The following TUT4 variants were observed in gnomAD, a reference collection of about 807,000 sequenced individuals.
The protein encoded by TUT4 is terminal uridylyltransferase 4.
In TUT4, 36 loss-of-function variants were observed where a neutral mutation model predicts 192.2. The observed-to-expected ratio is 0.19, with a 90% CI of 0.14 to 0.25. TUT4 has a LOEUF of 0.25. Among genes scored for constraint, TUT4 ranks in the 10% least tolerant of loss-of-function variants. TUT4 has a pLI of 1.00. For synonymous variants in TUT4, 618 were observed against 666.0 expected (o/e 0.93, Z 1.11); for missense variants, 1,493 against 1,957.2 (o/e 0.76, Z 4.47).
chr1:52,462,741 C>G, intron 16 of TUT4: 1 of 984,786 alleles, frequency 1.0e-6, no homozygotes, highest in Non-Finnish European at 1.2e-6. Context: ...TCACCAGCAC[C>G]TATTTCTCCA....
At chr1:52,501,963 G>A (rs1169451906) in intron 4 of TUT4, among the ~76,000 whole-genome samples, 3 of 152,100 alleles carry the variant, frequency 2.0e-5, no homozygotes, top group African/African-American at 7.2e-5. Context: ...GGAATGGGGA[G>A]TTATTGCTTA....
chr1:52,541,446 C>T (rs1225164545), intron 1 of TUT4, among the ~76,000 whole-genome samples: 4 of 151,558 alleles, frequency 2.6e-5, no homozygotes, highest in Admixed American at 6.6e-5. Context: ...GCAGGAGAAT[C>T]GCTTGAACCC....
In TUT4 at chr1:52,493,841, A is replaced by G. The variant is rs546594225; in HGVS notation, c.1267-179T>C. Among the ~76,000 whole-genome samples the G allele has an allele frequency of 3.3e-5, 5 of 150,692 alleles. No individual in the cohort carries two copies. In the South Asian group the frequency reaches 1.1e-3, roughly 32 times the overall value. Reference sequence around the variant, plus strand: ...TTTTTTTGAGATGAGGTTTCCCTGTATTGTCCAGGCTGCAGCATGACCATA... The same window carrying G: ...TTTTTTTGAGATGAGGTTTCCCTGTGTTGTCCAGGCTGCAGCATGACCATA... On this transcript the variant is annotated intron_variant, in intron 6 of 29. Transcript: ENST00000257177.
chr1:52,528,365 C>T (rs527894455), intron 1 of TUT4, among the ~76,000 whole-genome samples: 1 of 151,890 alleles, frequency 6.6e-6, no homozygotes, highest in East Asian at 1.9e-4. Flanking sequence ...GTGGCATGCG[C>T]CTGTAGTCCC....
chr1:52,436,949 T>C lies in TUT4; in HGVS notation c.3968A>G (p.Asp1323Gly). Residue 1323 changes from aspartate (D) to glycine (G), a missense_variant, in exon 26 of 30, where the codon GAC becomes GGC. This residue lies in a region of TUT4 where 141 missense variants were observed against 382.7 expected (regional missense o/e 0.37). Coordinates refer to ENST00000257177, the MANE Select transcript of TUT4 (RefSeq NM_001009881.3). ...ATTCCCTTCCTTCTCTTCTTCACTGTCTTTCTTCTTTAGTCTAAACAGTAA... is the reference window on the plus strand; with the variant it reads ...ATTCCCTTCCTTCTCTTCTTCACTGCCTTTCTTCTTTAGTCTAAACAGTAA... The part of the protein sequence containing the change: ...SSLLFRLKKK[D>G]SEEEKEGNEE... The C allele has an allele frequency of 6.2e-7, 1 of 1,614,042 alleles. No individual in the cohort carries two copies. Among genetic ancestry groups the C allele is most frequent in the Non-Finnish European group, 8.5e-7 (1 of 1,180,016 alleles).
At chr1:52,531,306 G>C (rs1390274861) in intron 1 of TUT4, among the ~76,000 whole-genome samples, 2 of 151,168 alleles carry the variant, frequency 1.3e-5, no homozygotes, top group Non-Finnish European at 2.9e-5. Context: ...ACTCACTACA[G>C]CTTCGAATTC....
Position 52,490,751 on chromosome 1 carries a change from C to T in TUT4, c.1369G>A (p.Val457Met). Residue 457 changes from valine (V) to methionine (M), a missense_variant, in exon 8 of 30, where the codon GTG (valine) becomes ATG (methionine). Val to Met is a conservative substitution (Grantham distance 21). Coordinates refer to ENST00000257177, the MANE Select transcript of TUT4 (RefSeq NM_001009881.3). The part of the protein sequence containing the change: ...SDFHAKVPVV[V>M]CRDRKSGLLC... ...ACCAACCTTTTTCGATCTCTGCACA[C>T]CACAACAGGAACTTTAGCGTGAAAA... 6.2e-7 allele frequency: 1 copy of T among 1,612,216 alleles called. No homozygotes were observed. The highest frequency in any genetic ancestry group is 8.5e-7 in the Non-Finnish European group (1 of 1,179,356).
intron 14 of TUT4, among the ~76,000 whole-genome samples, chr1:52,469,282 A>G (rs1407022955): frequency 6.6e-6 from 1 of 152,190 alleles, no homozygotes; most frequent in African/African-American, 2.4e-5. Context: ...AAACAACTTC[A>G]CATGAGGGAG....
intron 1 of TUT4, among the ~76,000 whole-genome samples, chr1:52,531,340 C>T (rs1340747050): frequency 6.6e-6 from 1 of 151,920 alleles, no homozygotes; most frequent in Non-Finnish European, 1.5e-5. Context: ...ATCCTCCCAG[C>T]TGATGTGGCT....
At chr1:52,461,366 G>A in intron 18 of TUT4, 143 bp from the exon 19 acceptor site, 1 of 1,090,146 alleles carries the variant, frequency 9.2e-7, no homozygotes, top group East Asian at 2.6e-5. Context: ...AACAAAAACT[G>A]ACCTTCAATC....
At chr1:52,536,578 C>T (rs1172803541) in intron 1 of TUT4, among the ~76,000 whole-genome samples, 2 of 152,158 alleles carry the variant, frequency 1.3e-5, no homozygotes, top group Non-Finnish European at 2.9e-5. Context: ...ATTGGCCAGG[C>T]GTGGTGGCTC....
intron 16 of TUT4, chr1:52,463,925 T>C: frequency 2.0e-6 from 1 of 509,110 alleles, no homozygotes; most frequent in Admixed American, 3.7e-5. Flanking sequence ...CTATTAGTAC[T>C]ATATTTCAGC....
At chr1:52,448,095 T>C (rs1658118606) in intron 20 of TUT4, among the ~76,000 whole-genome samples, 2 of 152,240 alleles carry the variant, frequency 1.3e-5, no homozygotes, top group African/African-American at 4.8e-5. Context: ...CCCAGAACCC[T>C]ACTAGACCAA....
intron 19 of TUT4, among the ~76,000 whole-genome samples, chr1:52,459,706 C>T (rs939785949): frequency 6.6e-6 from 1 of 152,072 alleles, no homozygotes; most frequent in African/African-American, 2.4e-5. Flanking sequence ...CATGGCAAAA[C>T]CCCGTCTCTG....
chr1:52,541,496 C>A (rs181228326), intron 1 of TUT4, among the ~76,000 whole-genome samples: 1 of 151,520 alleles, frequency 6.6e-6, no homozygotes, highest in East Asian at 1.9e-4. Context: ...CGCGCCATTG[C>A]GCTCCAGCCT....
intron 6 of TUT4, among the ~76,000 whole-genome samples, 162 bp from the exon 7 acceptor site, chr1:52,493,824 A>G (rs1671797456): frequency 6.7e-6 from 1 of 148,500 alleles, no homozygotes; most frequent in Non-Finnish European, 1.5e-5. Flanking sequence ...TTTTTTTTTG[A>G]GATGAGGTTT....
rs376676575 is a variant in TUT4, at chr1:52,436,789, G to C, written c.4128C>G (p.Val1376=). The C allele has an allele frequency of 2.9e-5, 46 of 1,613,434 alleles. No individual in the cohort carries two copies. The African/African-American group carries it at 4.9e-4, about 17-fold the overall frequency. The change falls in exon 26 of 30, where the codon GTC becomes GTG. Residue 1376 remains valine (V), a synonymous_variant. Coordinates refer to ENST00000257177, the MANE Select transcript of TUT4 (RefSeq NM_001009881.3). The stretch of plus-strand genomic sequence containing the variant: ...TGCTATTCCTCTGACGGGCCAGCTT[G>C]ACCTCTGGGCACTCCCTTCGTACAT... ...AGHVRRECPE[V]KLARQRNSSV... is the part of the protein sequence containing the mutation.
intron 4 of TUT4, among the ~76,000 whole-genome samples, chr1:52,503,020 A>C (rs182438727): frequency 1.9e-4 from 29 of 152,248 alleles, no homozygotes; most frequent in Admixed American, 1.1e-3. Context: ...TGCTTTACAG[A>C]TGTTATGTCA....
rs761058789 is a variant in TUT4 at position 52,474,817 on chromosome 1, C to G, written c.2727+15G>C. 3.2e-6 allele frequency: 5 copies of G among 1,556,684 alleles called. No homozygotes were observed. The highest frequency in any genetic ancestry group is 1.9e-5 in the Admixed American group (1 of 52,402). On this transcript the variant is annotated intron_variant, in intron 13 of 29. Transcript: ENST00000257177. ...ACCACAAAATCTTACAGATCATTTA[C>G]AAACTGTATCCTACCTTGCCAGAGG... is the stretch of plus-strand genomic sequence containing the variant.
Sources: gnomAD v4.1 joint callset for allele counts (sites outside exome capture counted in the v4.1 genomes callset) on GRCh38, gnomAD v4.1.1 for gene constraint, gnomAD v4.1.1 regional missense constraint, MANE v1.5 for transcripts, NCBI Gene and HGNC (gene_info 2026-07-23, HGNC 2026-07-21) for gene names.